TACR3: variants seen among roughly 807,000 people sequenced by gnomAD.
TACR3 encodes the protein tachykinin receptor 3.
A neutral mutation model predicts 35.0 loss-of-function variants in TACR3; 34 were observed. That is an observed-to-expected ratio of 0.97 (90% CI 0.74 to 1.30). TACR3 has a LOEUF of 1.30. TACR3 is among the 50% of genes most tolerant of loss of function. The pLI is 0.00. For missense variants in TACR3, 558 were observed against 591.7 expected, an observed-to-expected ratio of 0.94 and a Z score of 0.59; for synonymous variants, 233 against 221.1, an observed-to-expected ratio of 1.05 and a Z score of -0.48.
chr4:103,686,596 T>C (rs1038639508), intron 1 of TACR3, among the ~76,000 whole-genome samples: 1 of 152,192 alleles, frequency 6.6e-6, no homozygotes, highest in African/African-American at 2.4e-5. Context: ...CATTCAATTA[T>C]ATAAAATGTC....
intron 1 of TACR3, among the ~76,000 whole-genome samples, chr4:103,700,122 T>C (rs577712541): frequency 6.6e-5 from 10 of 152,278 alleles, no homozygotes; most frequent in African/African-American, 2.4e-4. Context: ...CAGGTACTCC[T>C]GGATAAACAA....
intron 1 of TACR3, among the ~76,000 whole-genome samples, chr4:103,691,962 C>T (rs1464115870): frequency 2.0e-5 from 3 of 152,144 alleles, no homozygotes; most frequent in South Asian, 2.1e-4. Flanking sequence ...GTTTGGGGCT[C>T]TCAGCTCTGA....
intron 1 of TACR3, among the ~76,000 whole-genome samples, chr4:103,707,655 C>T (rs969117134): frequency 5.3e-5 from 8 of 151,502 alleles, no homozygotes; most frequent in Non-Finnish European, 1.2e-4. Context: ...ACAGTGGGTA[C>T]AGGACAGTGG....
At chr4:103,632,382 C>A (rs1236524798) in intron 3 of TACR3, among the ~76,000 whole-genome samples, 2 of 152,074 alleles carry the variant, frequency 1.3e-5, no homozygotes, top group East Asian at 3.9e-4. Flanking sequence ...ATGTCCTTTG[C>A]AGGGACATGG....
chr4:103,626,943 G>T (rs1427053854), intron 3 of TACR3, among the ~76,000 whole-genome samples: 2 of 151,662 alleles, frequency 1.3e-5, no homozygotes, highest in Non-Finnish European at 2.9e-5. Context: ...GGGAGATTGA[G>T]GTGGGCGGAT....
In TACR3 at chr4:103,587,278, T is replaced by G. The variant is rs1423475283; in HGVS notation, c.*2404A>C. 6.6e-6 allele frequency: 1 copy of G among 151,550 alleles called. No individual in the cohort carries two copies. The highest frequency in any genetic ancestry group is 1.5e-5 in the Non-Finnish European group (1 of 67,992). 9.4% of individuals were successfully genotyped at this position (151,550 alleles called of 1,614,324 possible). A position where few individuals can be genotyped will look rare whatever the true frequency, so the allele number is the denominator to read the frequency against. On this transcript the variant is annotated 3_prime_UTR_variant, in exon 5 of 5. Coordinates refer to ENST00000304883, the MANE Select transcript of TACR3 (RefSeq NM_001059.3). ...TCACTCTTGTTTTATTATTGTCGTT[T>G]AAATTTTTGAACTTAAAAAATTCTG...
chr4:103,594,031 A>G (rs1652287607), intron 3 of TACR3, among the ~76,000 whole-genome samples: 1 of 152,182 alleles, frequency 6.6e-6, no homozygotes, highest in African/African-American at 2.4e-5. Flanking sequence ...GCAGACAGTT[A>G]AGTAATGTCT....
chr4:103,658,148 T>C, intron 2 of TACR3, 67 bp downstream of exon 2: 3 of 1,478,784 alleles, frequency 2.0e-6, no homozygotes, highest in Non-Finnish European at 2.8e-6. Context: ...TAATTGTTGC[T>C]CCTAATCTGT....
chr4:103,627,521 C>CA (rs948038564), intron 3 of TACR3, among the ~76,000 whole-genome samples: 26 of 151,354 alleles, frequency 1.7e-4, no homozygotes, highest in Non-Finnish European at 2.7e-4. Context: ...AAGACTCGGT[C>CA]AAAAAAATAA....
At chr4:103,693,111 A>G (rs766954099) in intron 1 of TACR3, among the ~76,000 whole-genome samples, 5 of 152,142 alleles carry the variant, frequency 3.3e-5, no homozygotes, top group Admixed American at 1.3e-4. Context: ...TCACAATTTT[A>G]TTTTGCATAT....
chr4:103,702,043 G>A (rs1410922206), intron 1 of TACR3, among the ~76,000 whole-genome samples: 1 of 152,138 alleles, frequency 6.6e-6, no homozygotes, highest in African/African-American at 2.4e-5. Context: ...AGCCAAAATT[G>A]ACAAATGGGA....
intron 1 of TACR3, among the ~76,000 whole-genome samples, chr4:103,686,627 T>C (rs1460397000): frequency 6.6e-6 from 1 of 152,174 alleles, no homozygotes; most frequent in Non-Finnish European, 1.5e-5. Context: ...TAGAAAATTA[T>C]AACACATGAA....
At chr4:103,688,906 C>A (rs1022266898) in intron 1 of TACR3, among the ~76,000 whole-genome samples, 5 of 152,072 alleles carry the variant, frequency 3.3e-5, no homozygotes, top group Non-Finnish European at 7.4e-5. Flanking sequence ...TGGGTATATA[C>A]CCAAAGGACT....
At chr4:103,602,870 C>T (rs1724243627) in intron 3 of TACR3, among the ~76,000 whole-genome samples, 1 of 152,216 alleles carries the variant, frequency 6.6e-6, no homozygotes, top group Non-Finnish European at 1.5e-5. Context: ...TGCCCATTCT[C>T]AGATCTCAAG....
At chr4:103,637,736 G>A (rs1560817516) in intron 3 of TACR3, among the ~76,000 whole-genome samples, 1 of 151,980 alleles carries the variant, frequency 6.6e-6, no homozygotes, top group Non-Finnish European at 1.5e-5. Context: ...AGCAACTTCA[G>A]CAGTCTCAGG....
intron 3 of TACR3, among the ~76,000 whole-genome samples, chr4:103,620,062 A>C (rs1003034346): frequency 6.6e-6 from 1 of 152,078 alleles, no homozygotes; most frequent in Non-Finnish European, 1.5e-5. Context: ...AAAAAAAAAA[A>C]CCTTATTTTA....
chr4:103,719,423 T>C lies in TACR3; in HGVS notation c.253A>G (p.Ile85Val). ...CCATACGCCAGGGACCAGAGCGCGATGCGCCAGGACGGCTGCACGAACTGG... is the reference window on the plus strand; with the variant it reads ...CCATACGCCAGGGACCAGAGCGCGACGCGCCAGGACGGCTGCACGAACTGG... ...TNQFVQPSWRIALWSLAYGVV... is the reference protein window; with the variant it reads ...TNQFVQPSWRVALWSLAYGVV... Residue 85 changes from isoleucine to valine, a missense_variant, in exon 1 of 5, where the codon ATC (isoleucine) becomes GTC (valine). Transcript: ENST00000304883. 1 of 1,614,200 alleles carries C rather than the reference T, an allele frequency of 6.2e-7. No homozygotes were observed. Among genetic ancestry groups the C allele is most frequent in the Non-Finnish European group, 8.5e-7 (1 of 1,180,030 alleles).
At chr4:103,650,676 A>G (rs1345750409) in intron 3 of TACR3, among the ~76,000 whole-genome samples, 1 of 30,972 alleles carries the variant, frequency 3.2e-5, no homozygotes, top group Non-Finnish European at 5.5e-5. Context: ...ATAAATATAT[A>G]TTATATCATA....
chr4:103,644,122 G>T (rs535736223), intron 3 of TACR3, among the ~76,000 whole-genome samples: 11 of 151,912 alleles, frequency 7.2e-5, no homozygotes, highest in African/African-American at 2.4e-4. Flanking sequence ...CACACATAGA[G>T]AGCAGGAGGA....
Sources: gnomAD v4.1 joint callset for allele counts (sites outside exome capture counted in the v4.1 genomes callset) on GRCh38, gnomAD v4.1.1 for gene constraint, MANE v1.5 for transcripts, NCBI Gene and HGNC (gene_info 2026-07-23, HGNC 2026-07-21) for gene names.